Variants in GPHN observed in about 807,000 individuals in gnomAD.
GPHN encodes the protein gephyrin.
A neutral mutation model predicts 95.5 loss-of-function variants in GPHN; 17 were observed. That is an observed-to-expected ratio of 0.18 (90% CI 0.12 to 0.27). The LOEUF is 0.27. GPHN is among the 10% of genes least tolerant of loss of function. The pLI is 1.00. For missense variants in GPHN, 660 were observed against 978.1 expected (o/e 0.67, Z 4.34); for synonymous variants, 320 against 322.5 (o/e 0.99, Z 0.08).
At chr14:67,256,510 A>G in the GPHN span, among the ~76,000 whole-genome samples, 2 of 152,216 alleles carry the variant, frequency 1.3e-5, no homozygotes, top group South Asian at 4.1e-4. Context: ...AACTTGTAGT[A>G]AATATAAATA....
chr14:67,256,255 T>C, the GPHN span, among the ~76,000 whole-genome samples: 1 of 152,152 alleles, frequency 6.6e-6, no homozygotes, highest in Non-Finnish European at 1.5e-5. Context: ...ACATCTTCTA[T>C]GTATATTTGT....
chr14:66,520,319 C>T (rs558061384), intron 1 of GPHN, among the ~76,000 whole-genome samples: 2 of 152,116 alleles, frequency 1.3e-5, no homozygotes, highest in South Asian at 2.1e-4. Flanking sequence ...TTAATATTCC[C>T]ACCTTCATTG....
chr14:67,511,737 C>G, the GPHN span, among the ~76,000 whole-genome samples: 1 of 152,200 alleles, frequency 6.6e-6, no homozygotes, highest in South Asian at 2.1e-4. Flanking sequence ...GACCTCCGCT[C>G]CACTACATTT....
chr14:66,995,660 G>C lies in GPHN; in HGVS notation c.964-27973G>C, dbSNP rs114151818. Among the ~76,000 whole-genome samples, 456 of 152,292 alleles carry C rather than the reference G, an allele frequency of 3.0e-3. 3 individuals are homozygous for C. The highest frequency in any genetic ancestry group is 0.011 in the African/African-American group (438 of 41,568). Reference sequence around the variant, plus strand: ...CAAATCTGATAATAAGTGCATTTCTGATTCTTCTACTGTCATCTTTCTTCA... The same window carrying C: ...CAAATCTGATAATAAGTGCATTTCTCATTCTTCTACTGTCATCTTTCTTCA... On this transcript the variant is annotated intron_variant, in intron 9 of 22. Transcript: ENST00000478722.
intron 16 of GPHN, 71 bp downstream of exon 16, chr14:67,113,242 GTGTTGTAAATAGAA>G: frequency 7.6e-7 from 1 of 1,312,138 alleles, no homozygotes; most frequent in Non-Finnish European, 1.1e-6. Context: ...CATATGTTCT[GTGTTGTAAATAGAA>G]TGTTGTAGAT....
At chr14:67,459,442 T>C in the GPHN span, among the ~76,000 whole-genome samples, 4 of 152,252 alleles carry the variant, frequency 2.6e-5, no homozygotes, top group Non-Finnish European at 4.4e-5. Flanking sequence ...CTCTATTCAC[T>C]ATTTCATTTC....
intron 2 of GPHN, among the ~76,000 whole-genome samples, chr14:66,683,374 A>G (rs111738602): frequency 8.2e-6 from 1 of 121,634 alleles, no homozygotes; most frequent in Non-Finnish European, 1.6e-5. Context: ...ATATATATAT[A>G]TATATGTTCA....
chr14:66,777,404 A>G (rs2059423843), intron 3 of GPHN, among the ~76,000 whole-genome samples: 1 of 152,156 alleles, frequency 6.6e-6, no homozygotes, highest in African/African-American at 2.4e-5. Context: ...ACAAGGAGGA[A>G]CTGGTACCAT....
chr14:67,289,120 C>T, the GPHN span, among the ~76,000 whole-genome samples: 3 of 141,046 alleles, frequency 2.1e-5, no homozygotes, highest in Non-Finnish European at 4.5e-5. Context: ...GAGCACACCG[C>T]CATAACTGGT....
chr14:67,238,054 C>T, the GPHN span, among the ~76,000 whole-genome samples: 1 of 152,090 alleles, frequency 6.6e-6, no homozygotes, highest in East Asian at 1.9e-4. Flanking sequence ...GTCCAGGAAG[C>T]TTGTCACACA....
At chr14:66,816,935 T>C (rs1016693909) in intron 3 of GPHN, among the ~76,000 whole-genome samples, 1 of 152,166 alleles carries the variant, frequency 6.6e-6, no homozygotes, top group Non-Finnish European at 1.5e-5. Context: ...GTCCCTGTTT[T>C]TCTGTTTGAT....
At chr14:67,292,785 T>C in the GPHN span, 1 of 1,244,242 alleles carries the variant, frequency 8.0e-7, no homozygotes, top group African/African-American at 1.5e-5. Flanking sequence ...GGCAGGATTA[T>C]TGGAAAATAC....
At chr14:67,283,169 A>C in the GPHN span, among the ~76,000 whole-genome samples, 1 of 152,176 alleles carries the variant, frequency 6.6e-6, no homozygotes, top group South Asian at 2.1e-4. Flanking sequence ...AAGGAAAAAC[A>C]CACCACGGGG....
the GPHN span, among the ~76,000 whole-genome samples, chr14:67,202,071 G>C: frequency 6.6e-6 from 1 of 152,148 alleles, no homozygotes; most frequent in Non-Finnish European, 1.5e-5. Context: ...CCATATCCAG[G>C]GGTGTGCCAG....
intron 3 of GPHN, among the ~76,000 whole-genome samples, chr14:66,793,087 C>A (rs1441916574): frequency 1.3e-5 from 2 of 152,236 alleles, no homozygotes; most frequent in African/African-American, 4.8e-5. Context: ...AACCTTCCGG[C>A]GTGGGCCTTA....
chr14:67,095,445 C>T (rs564907882), intron 12 of GPHN, among the ~76,000 whole-genome samples: 2 of 152,204 alleles, frequency 1.3e-5, no homozygotes, highest in South Asian at 2.1e-4. Flanking sequence ...ACCCAAAGGA[C>T]TATAAATCAT....
intron 19 of GPHN, among the ~76,000 whole-genome samples, chr14:67,163,012 A>T (rs2082055699): frequency 6.6e-6 from 1 of 152,210 alleles, no homozygotes; most frequent in South Asian, 2.1e-4. Flanking sequence ...TTACTTAAAA[A>T]ATAGATATTT....
At chr14:67,574,129 G>A in the GPHN span, 18 of 902,582 alleles carry the variant, frequency 2.0e-5, no homozygotes, top group Admixed American at 1.1e-4. This position sits in a 1 kb window ranked among gnomAD's most constrained non-coding sequence, Gnocchi z 4.2. Flanking sequence ...GAGCACTAGG[G>A]CAGGCAGAAG....
At chr14:67,491,822 T>C in the GPHN span, among the ~76,000 whole-genome samples, 2 of 152,174 alleles carry the variant, frequency 1.3e-5, no homozygotes, top group Admixed American at 6.5e-5. Context: ...AAGCAATCAG[T>C]ATTCCAGATT....
Sources: gnomAD v4.1 joint callset for allele counts (sites outside exome capture counted in the v4.1 genomes callset) on GRCh38, gnomAD v4.1.1 for gene constraint, Gnocchi (gnomAD v3.1) non-coding constraint, MANE v1.5 for transcripts, NCBI Gene and HGNC (gene_info 2026-07-23, HGNC 2026-07-21) for gene names.